The following ADAMTS17 variants were observed in gnomAD, a reference collection of about 807,000 sequenced individuals.
The protein encoded by ADAMTS17 is A disintegrin and metalloproteinase with thrombospondin motifs 17.
Under a neutral mutation model 141.5 loss-of-function variants are expected in ADAMTS17, and 113 were observed. The observed-to-expected ratio is 0.80, with a 90% confidence interval of 0.69 to 0.93. The LOEUF is 0.93. ADAMTS17 is among the 40% of genes least tolerant of loss of function. ADAMTS17 has a pLI of 0.00. For synonymous variants in ADAMTS17, 768 were observed against 630.6 expected, an observed-to-expected ratio of 1.22 and a Z score of -3.27; for missense variants, 1,659 against 1,517.9, an observed-to-expected ratio of 1.09 and a Z score of -1.54.
intron 13 of ADAMTS17, among the ~76,000 whole-genome samples, chr15:100,114,022 C>T (rs2036956972): frequency 6.6e-6 from 1 of 152,228 alleles, no homozygotes; most frequent in Non-Finnish European, 1.5e-5. Flanking sequence ...TGGGCCATCT[C>T]AATGGGTTTC....
chr15:100,148,306 ATATT>A (rs1333997013), intron 10 of ADAMTS17, among the ~76,000 whole-genome samples: 1 of 152,216 alleles, frequency 6.6e-6, no homozygotes, highest in African/African-American at 2.4e-5. Context: ...AATCTATCAT[ATATT>A]TGCCCACGAA....
At chr15:100,020,219 G>A (rs1347562438) in intron 18 of ADAMTS17, among the ~76,000 whole-genome samples, 2 of 152,146 alleles carry the variant, frequency 1.3e-5, no homozygotes, top group Non-Finnish European at 2.9e-5. Context: ...GACCTCCCCA[G>A]CATTCCACCC....
intron 7 of ADAMTS17, among the ~76,000 whole-genome samples, chr15:100,253,005 C>G (rs1297029071): frequency 6.6e-6 from 1 of 152,204 alleles, no homozygotes; most frequent in East Asian, 1.9e-4. Flanking sequence ...AGGCTTAGGG[C>G]TACTCACTGC....
chr15:100,114,210 C>T (rs988442022), intron 13 of ADAMTS17, among the ~76,000 whole-genome samples: 3 of 147,460 alleles, frequency 2.0e-5, no homozygotes, highest in African/African-American at 2.5e-5. Context: ...AACAAAAATA[C>T]AGCTTCCCTT....
chr15:100,095,639 G>A (rs1298025028), intron 15 of ADAMTS17, among the ~76,000 whole-genome samples: 1 of 152,190 alleles, frequency 6.6e-6, no homozygotes, highest in Non-Finnish European at 1.5e-5. Flanking sequence ...CTCTCCAGCT[G>A]GCTTGCCTGC....
intron 12 of ADAMTS17, among the ~76,000 whole-genome samples, chr15:100,131,391 A>G (rs536177804): frequency 1.5e-4 from 20 of 137,620 alleles, no homozygotes; most frequent in Non-Finnish European, 3.1e-4. Context: ...AAGAAATGGG[A>G]AACTTCAAGA....
chr15:100,320,570 C>T (rs1894992426), intron 3 of ADAMTS17, among the ~76,000 whole-genome samples: 1 of 152,250 alleles, frequency 6.6e-6, no homozygotes, highest in African/African-American at 2.4e-5. Flanking sequence ...CCATGGCCCA[C>T]ACCTGTAGTC....
chr15:100,263,557 T>C (rs918031153), intron 4 of ADAMTS17, among the ~76,000 whole-genome samples: 7 of 152,144 alleles, frequency 4.6e-5, no homozygotes, highest in African/African-American at 1.7e-4. Flanking sequence ...AAGGAAAACC[T>C]GGAATAAGGC....
chr15:100,035,985 A>C (rs991381934), intron 18 of ADAMTS17, among the ~76,000 whole-genome samples: 3 of 152,224 alleles, frequency 2.0e-5, no homozygotes, highest in African/African-American at 7.2e-5. Flanking sequence ...TGAGAAGCAC[A>C]GAGAACATGG....
At position 100,048,975 on chromosome 15, in the gene ADAMTS17, C is replaced by T. The variant is rs202065082; in HGVS notation, c.2473G>A (p.Val825Ile). 34 of 1,614,158 alleles carry T rather than the reference C, an allele frequency of 2.1e-5. No homozygotes were observed. Among genetic ancestry groups the T allele is most frequent in the African/African-American group, 5.3e-5 (4 of 75,036 alleles). ...QCGGGERRTI[V>I]SCTRIVNKTT... ...TTGTTGACAATCCGTGTACACGAGA[C>T]GATGGTTCTGCGCTCCCCTGGAAAC... Residue 825 changes from valine (V) to isoleucine (I), a missense_variant, in exon 18 of 22, where the codon GTC becomes ATC. Coordinates refer to ENST00000268070, the MANE Select transcript of ADAMTS17 (RefSeq NM_139057.4).
At chr15:100,039,727 A>G (rs559563428) in intron 18 of ADAMTS17, among the ~76,000 whole-genome samples, 12 of 152,058 alleles carry the variant, frequency 7.9e-5, no homozygotes, top group Admixed American at 1.3e-4. Context: ...TGTTTTATAG[A>G]TATCTATTGG....
chr15:100,255,103 A>G (rs2043280743), intron 6 of ADAMTS17, among the ~76,000 whole-genome samples: 2 of 152,026 alleles, frequency 1.3e-5, no homozygotes, highest in South Asian at 4.1e-4. Context: ...GATGCTTGAA[A>G]CCTGGTCCAG....
chr15:100,226,460 AACTGTATACC>A (rs2042316669), intron 7 of ADAMTS17, among the ~76,000 whole-genome samples: 1 of 152,278 alleles, frequency 6.6e-6, no homozygotes, highest in African/African-American at 2.4e-5. Flanking sequence ...TCAGAAGCAC[AACTGTATACC>A]ATCCACATCC....
chr15:100,281,731 A>C (rs1186494310), intron 3 of ADAMTS17, among the ~76,000 whole-genome samples: 1 of 152,146 alleles, frequency 6.6e-6, no homozygotes, highest in East Asian at 1.9e-4. Context: ...CCAAGTACGC[A>C]CAGAAAAGGA....
Position 100,261,550 on chromosome 15 carries a change from G to C in ADAMTS17, c.960C>G (p.Tyr320Ter). Reference protein sequence around the residue: ...WQNEEYGGARYLGNNQVPGGK... With the variant: ...WQNEEYGGAR ...CGCCGGGAACCTGGTTATTGCCGAG[G>C]TATCGCGCTCCTCCATACTCCTCGT... The change falls in exon 6 of 22, where the codon TAC (tyrosine) becomes TAG (stop). Residue 320 changes from tyrosine (Y) to a stop codon, truncating the protein, a stop_gained. Coordinates refer to ENST00000268070, the MANE Select transcript of ADAMTS17 (RefSeq NM_139057.4). LOFTEE classifies it high-confidence loss of function. 1.2e-6 allele frequency: 2 copies of C among 1,614,152 alleles called. No homozygotes were observed. Among genetic ancestry groups the C allele is most frequent in the African/African-American group, 1.3e-5 (1 of 75,042 alleles).
chr15:100,116,188 G>A (rs2037120523), intron 13 of ADAMTS17, among the ~76,000 whole-genome samples: 1 of 147,808 alleles, frequency 6.8e-6, no homozygotes, highest in African/African-American at 2.5e-5. Flanking sequence ...GTCCTGGGGT[G>A]TCCTCATCTA....
rs1168287609 is a variant in ADAMTS17, at chr15:100,209,143, A to AAAGC, written c.1076-9721_1076-9720insGCTT. On this transcript the variant is annotated intron_variant, in intron 7 of 21. Coordinates refer to ENST00000268070, the MANE Select transcript of ADAMTS17 (RefSeq NM_139057.4). ...AAAAAAAAAAAAAAAAGGAAGAAAG[A>AAAGC]AAGAAAAGGATTCTCAAAACAAGTA... is the stretch of plus-strand genomic sequence containing the variant. Among the ~76,000 whole-genome samples the AAAGC allele has an allele frequency of 1.0e-4, 15 of 146,664 alleles. No individual in the cohort carries two copies. In the South Asian group the frequency reaches 3.0e-3, roughly 29 times the overall value.
chr15:99,999,958 C>A (rs1026046097), intron 18 of ADAMTS17, among the ~76,000 whole-genome samples: 1 of 152,198 alleles, frequency 6.6e-6, no homozygotes, highest in African/African-American at 2.4e-5. Flanking sequence ...GCTTCTGGGG[C>A]CTAACTCCAG....
At chr15:100,036,307 T>TG (rs989862261) in intron 18 of ADAMTS17, among the ~76,000 whole-genome samples, 1 of 152,144 alleles carries the variant, frequency 6.6e-6, no homozygotes, top group Non-Finnish European at 1.5e-5. Context: ...ACAGAGGCGC[T>TG]GGGAGAAGCC....
Sources: allele counts gnomAD v4.1 joint callset (sites outside exome capture counted in the v4.1 genomes callset), GRCh38; gene constraint gnomAD v4.1.1; transcripts MANE v1.5; gene names NCBI Gene and HGNC (gene_info 2026-07-23, HGNC 2026-07-21).